Variants in DGLUCY observed in about 807,000 individuals in gnomAD.
The protein encoded by DGLUCY is D-glutamate cyclase.
In DGLUCY, 58 loss-of-function variants were observed where a neutral mutation model predicts 58.5. The ratio of observed to expected loss-of-function variants is 0.99; its 90% CI spans 0.80 to 1.23. The LOEUF is 1.23. Ranked by LOEUF, DGLUCY falls within the 50% of genes most tolerant of loss-of-function variation. The pLI is 0.00. For missense variants in DGLUCY, 779 were observed against 784.7 expected (o/e 0.99, Z 0.09); for synonymous variants, 325 against 314.1 (o/e 1.03, Z -0.37).
chr14:91,097,323 G>T (rs1384497273), intron 1 of DGLUCY, among the ~76,000 whole-genome samples: 1 of 152,170 alleles, frequency 6.6e-6, no homozygotes, highest in African/African-American at 2.4e-5. Flanking sequence ...TTGAGGCCAG[G>T]AGGTGGAGGT....
At chr14:91,124,413 G>T (rs993449834) in intron 1 of DGLUCY, among the ~76,000 whole-genome samples, 2 of 152,190 alleles carry the variant, frequency 1.3e-5, no homozygotes, top group East Asian at 1.9e-4. Context: ...TGACAGTTCA[G>T]CAGGACTTCA....
intron 3 of DGLUCY, chr14:91,165,189 C>A (rs1034074347): frequency 2.2e-6 from 1 of 455,576 alleles, no homozygotes; most frequent in Admixed American, 2.4e-5. Flanking sequence ...TAACAAACAT[C>A]TTTTAACATA....
At chr14:91,135,868 TA>T (rs1422557283) in intron 1 of DGLUCY, among the ~76,000 whole-genome samples, 5 of 151,238 alleles carry the variant, frequency 3.3e-5, no homozygotes, top group African/African-American at 1.2e-4. Context: ...ATCACTTTTG[TA>T]ATAGTAAACC....
intron 1 of DGLUCY, among the ~76,000 whole-genome samples, chr14:91,125,275 C>T (rs531984701): frequency 1.2e-4 from 18 of 152,302 alleles, no homozygotes; most frequent in East Asian, 3.9e-4. Flanking sequence ...TATTTCTTTA[C>T]GGCACCGGGG....
At chr14:91,131,107 G>A (rs1428920853) in intron 1 of DGLUCY, among the ~76,000 whole-genome samples, 2 of 151,944 alleles carry the variant, frequency 1.3e-5, no homozygotes, top group East Asian at 1.9e-4. Context: ...GTACTACCAC[G>A]CCCGGCTAAG....
intron 1 of DGLUCY, among the ~76,000 whole-genome samples, chr14:91,118,088 C>CTT (rs1345633028): frequency 4.3e-4 from 26 of 60,548 alleles, no homozygotes; most frequent in African/African-American, 1.8e-3. Flanking sequence ...CCCCCCCCCC[C>CTT]TTTTTTTTTT....
chr14:91,209,577 G>A lies in DGLUCY; in HGVS notation c.1564+4752G>A, dbSNP rs139709405. Among the ~76,000 whole-genome samples the A allele has an allele frequency of 2.7e-3, 415 of 152,160 alleles. 2 individuals are homozygous for A. Among genetic ancestry groups the A allele is most frequent in the African/African-American group, 9.6e-3 (400 of 41,508 alleles). On this transcript the variant is annotated intron_variant, in intron 12 of 13. Coordinates refer to ENST00000256324, the MANE Select transcript of DGLUCY (RefSeq NM_001102368.3). ...CAAAAAATTAGCTGGGCGTGGTGGC[G>A]GGCACCTGTAGTCCCAGCTACTCAG...
At chr14:91,156,498 T>C (rs150901950) in intron 1 of DGLUCY, among the ~76,000 whole-genome samples, 4,303 of 152,314 alleles carry the variant, frequency 0.028, 78 homozygotes, top group South Asian at 0.037. Context: ...AGTCCTAGGA[T>C]TGGATTGCTT....
intron 1 of DGLUCY, among the ~76,000 whole-genome samples, chr14:91,078,440 C>G (rs1032803467): frequency 2.0e-5 from 3 of 152,128 alleles, no homozygotes; most frequent in Non-Finnish European, 4.4e-5. Context: ...GTTTTAGAAG[C>G]TACTATTTGA....
At chr14:91,149,247 CAAA>C (rs530717496) in intron 1 of DGLUCY, among the ~76,000 whole-genome samples, 1 of 113,892 alleles carries the variant, frequency 8.8e-6, no homozygotes. Context: ...AACTCTATCT[CAAA>C]AAAAAAAAAA....
chr14:91,119,229 T>C (rs888915539), intron 1 of DGLUCY, among the ~76,000 whole-genome samples: 3 of 152,176 alleles, frequency 2.0e-5, no homozygotes, highest in Non-Finnish European at 2.9e-5. Flanking sequence ...CTTTTCTGCA[T>C]AGTCAAAAGT....
chr14:91,125,384 G>A (rs1382895960), intron 1 of DGLUCY, among the ~76,000 whole-genome samples: 1 of 152,166 alleles, frequency 6.6e-6, no homozygotes, highest in Non-Finnish European at 1.5e-5. Flanking sequence ...GAAGTGACTG[G>A]CAGAAAAGCC....
At chr14:91,165,531 G>C (rs57258463) in intron 3 of DGLUCY, among the ~76,000 whole-genome samples, 3,641 of 152,282 alleles carry the variant, frequency 0.024, 138 homozygotes, top group African/African-American at 0.083. Context: ...TGTAATAGGA[G>C]GTCTTCTCCT....
At chr14:91,082,738 G>A (rs939527518) in intron 1 of DGLUCY, among the ~76,000 whole-genome samples, 3 of 152,014 alleles carry the variant, frequency 2.0e-5, no homozygotes, top group African/African-American at 7.2e-5. Flanking sequence ...AGATATGTAG[G>A]TTGCACATCT....
rs60627604 is a variant in DGLUCY, at chr14:91,122,602, G to GTTTTTTTTTTT, written c.-82+8327_-82+8337dup. Among the ~76,000 whole-genome samples the GTTTTTTTTTTT allele has an allele frequency of 2.8e-4, 29 of 104,778 alleles. 1 individual carries two copies. Among genetic ancestry groups the GTTTTTTTTTTT allele is most frequent in the Middle Eastern group, 6.2e-3 (1 of 162 alleles). The allele number at this position is 104,778 out of a possible 152,430, so 68.7% of individuals were successfully genotyped here. ...ATTTTAACTATAATAAAAGAAAAAA[G>GTTTTTTTTTTT]TTTTTTTTTTTTTTTTTTGAGATAG... is the stretch of plus-strand genomic sequence containing the variant. On this transcript the variant is annotated intron_variant, in intron 1 of 13. Coordinates refer to ENST00000256324, the MANE Select transcript of DGLUCY (RefSeq NM_001102368.3).
At chr14:91,091,892 TA>T (rs1219726845) in intron 1 of DGLUCY, among the ~76,000 whole-genome samples, 14 of 152,164 alleles carry the variant, frequency 9.2e-5, no homozygotes, top group Non-Finnish European at 1.6e-4. Flanking sequence ...TCCTCTGCTC[TA>T]AAACATCAGT....
At chr14:91,155,400 T>C (rs12100785) in intron 1 of DGLUCY, among the ~76,000 whole-genome samples, 6,009 of 152,290 alleles carry the variant, frequency 0.039, 406 homozygotes, top group African/African-American at 0.14. Flanking sequence ...ACTGTGATAT[T>C]ATGAGATATG....
intron 1 of DGLUCY, among the ~76,000 whole-genome samples, chr14:91,124,728 A>G (rs959103351): frequency 6.6e-6 from 1 of 152,254 alleles, no homozygotes; most frequent in Non-Finnish European, 1.5e-5. Flanking sequence ...AGTGAAGTAG[A>G]GGTTCCTCTT....
intron 1 of DGLUCY, among the ~76,000 whole-genome samples, chr14:91,086,626 A>C (rs2044225588): frequency 6.6e-6 from 1 of 152,204 alleles, no homozygotes; most frequent in African/African-American, 2.4e-5. Context: ...AGTTGGTTGA[A>C]TCCACAGAGG....
Sources: gnomAD v4.1 joint callset for allele counts (sites outside exome capture counted in the v4.1 genomes callset) on GRCh38, gnomAD v4.1.1 for gene constraint, MANE v1.5 for transcripts, NCBI Gene and HGNC (gene_info 2026-07-23, HGNC 2026-07-21) for gene names.